The following MRC2 variants were observed in gnomAD, a reference collection of about 807,000 sequenced individuals.
MRC2 encodes the protein mannose receptor C-type 2.
In MRC2, 84 loss-of-function variants were observed where a neutral mutation model predicts 206.2. The observed-to-expected ratio is 0.41, with a 90% confidence interval of 0.34 to 0.49. The LOEUF (loss-of-function observed/expected upper bound fraction) is 0.49. Ranked by LOEUF, MRC2 falls within the 20% of genes least tolerant of loss-of-function variation. MRC2 has a pLI of 0.31. For missense variants in MRC2, 1,676 were observed against 2,001.5 expected, an observed-to-expected ratio of 0.84 and a Z score of 3.10; for synonymous variants, 798 against 800.0, an observed-to-expected ratio of 1.00 and a Z score of 0.04.
At chr17:62,632,080 A>G (rs1372350733) in intron 1 of MRC2, among the ~76,000 whole-genome samples, 1 of 151,954 alleles carries the variant, frequency 6.6e-6, no homozygotes, top group African/African-American at 2.4e-5. Context: ...GGGGTGGGCC[A>G]GTGGGGTGGT....
chr17:62,680,695 G>C lies in MRC2; in HGVS notation c.2474-105G>C. The C allele has an allele frequency of 7.4e-7, 1 of 1,356,716 alleles. No homozygotes were observed. Among genetic ancestry groups the C allele is most frequent in the Non-Finnish European group, 9.6e-7 (1 of 1,043,328 alleles). The allele number at this position is 1,356,716 out of a possible 1,614,324, so 84.0% of individuals were successfully genotyped here. A position where few individuals can be genotyped will look rare whatever the true frequency, so the allele number is the denominator to read the frequency against. ...CTGGGTCCGGTGTGCCTGCAGGCTC[G>C]CCTGCTGCCGCCTGGCTCTGCCCCG... On this transcript the variant is annotated intron_variant, in intron 16 of 29. Coordinates refer to ENST00000303375, the MANE Select transcript of MRC2 (RefSeq NM_006039.5). This position sits in a 1 kb window ranked among gnomAD's most constrained non-coding sequence, Gnocchi z 4.8.
Position 62,630,018 on chromosome 17 carries a change from C to T in MRC2, c.118+2098C>T, listed in dbSNP as rs376679976. ...TTTTCTCCACCTTGGTGGAGTGGCC[C>T]GCGGAGACTGTCACTGGAAGGAGTC... On this transcript the variant is annotated intron_variant, in intron 1 of 29. Transcript: ENST00000303375. Among the ~76,000 whole-genome samples the T allele has an allele frequency of 4.4e-3, 670 of 152,142 alleles. 7 individuals carry two copies. The highest frequency in any genetic ancestry group is 0.015 in the African/African-American group (639 of 41,496).
chr17:62,651,808 G>A (rs1362440670), intron 1 of MRC2, among the ~76,000 whole-genome samples: 2 of 152,036 alleles, frequency 1.3e-5, no homozygotes, highest in Non-Finnish European at 2.9e-5. Flanking sequence ...CTGGCCTTAA[G>A]TGATCCACCT....
In MRC2 at chr17:62,692,301, C is replaced by A. The variant is rs1274673009; in HGVS notation, c.4290C>A (p.Thr1430=). ...TGCTGCTGCTCCTGGCCTTGCTGAC[C>A]GCAGCCCTCATCCTTTACCGGAGGC... ...MAVLLLLALL[T]AALILYRRRQ... The change falls in exon 30 of 30, where the codon ACC becomes ACA. Residue 1430 remains threonine, a synonymous_variant. Transcript: ENST00000303375. The surrounding 1 kb of genome is among the most constrained non-coding windows in gnomAD (Gnocchi z 4.2). 2 of 1,594,344 alleles carry A rather than the reference C, an allele frequency of 1.3e-6. No individual in the cohort carries two copies. The highest frequency in any genetic ancestry group is 4.5e-5 in the East Asian group (2 of 44,106).
intron 6 of MRC2, among the ~76,000 whole-genome samples, chr17:62,668,364 A>AAAAAAT (rs1211444121): frequency 7.1e-6 from 1 of 140,640 alleles, no homozygotes; most frequent in African/African-American, 2.7e-5. Flanking sequence ...CTCAAAAAAT[A>AAAAAAT]AATAAATAAA....
In MRC2 at chr17:62,666,951, C is replaced by T. The variant is rs555668731; in HGVS notation, c.973+81C>T. 2.0e-5 allele frequency: 21 copies of T among 1,070,538 alleles called. 1 individual carries two copies. The East Asian group carries it at 3.7e-4, about 19-fold the overall frequency. 66.3% of individuals were successfully genotyped at this position (1,070,538 alleles called of 1,614,324 possible). A position where few individuals can be genotyped will look rare whatever the true frequency, so the allele number is the denominator to read the frequency against. Reference sequence around the variant, plus strand: ...CTCCCATGGACTCCTCTCCTCATGTCCTCCTGCAGAGGGGCAGTGTGGGTA... The same window carrying T: ...CTCCCATGGACTCCTCTCCTCATGTTCTCCTGCAGAGGGGCAGTGTGGGTA... On this transcript the variant is annotated intron_variant, in intron 5 of 29. Coordinates refer to ENST00000303375, the MANE Select transcript of MRC2 (RefSeq NM_006039.5). This position sits in a 1 kb window ranked among gnomAD's most constrained non-coding sequence, Gnocchi z 5.0.
chr17:62,657,766 T>C (rs1007401039), intron 1 of MRC2, among the ~76,000 whole-genome samples: 4 of 152,126 alleles, frequency 2.6e-5, no homozygotes, highest in Admixed American at 6.5e-5. Flanking sequence ...CAGAGCCAGC[T>C]CTCAGGACGC....
In MRC2 at chr17:62,692,929, A is replaced by C. The variant is rs1599002004; in HGVS notation, c.*478A>C. The C allele has an allele frequency of 1.3e-5, 2 of 154,578 alleles. No homozygotes were observed. Among genetic ancestry groups the C allele is most frequent in the Non-Finnish European group, 1.4e-5 (1 of 70,274 alleles). 9.6% of individuals were successfully genotyped at this position (154,578 alleles called of 1,614,324 possible). A position where few individuals can be genotyped will look rare whatever the true frequency, so the allele number is the denominator to read the frequency against. On this transcript the variant is annotated 3_prime_UTR_variant, in exon 30 of 30. Coordinates refer to ENST00000303375, the MANE Select transcript of MRC2 (RefSeq NM_006039.5). This position sits in a 1 kb window ranked among gnomAD's most constrained non-coding sequence, Gnocchi z 4.2. ...TGCTCCCTCTCGCCCCTTCTCTCCCACCCCTTCCTTCTGAGCCGGGCCCTG... is the reference window on the plus strand; with the variant it reads ...TGCTCCCTCTCGCCCCTTCTCTCCCCCCCCTTCCTTCTGAGCCGGGCCCTG...
intron 19 of MRC2, 139 bp from the exon 20 acceptor site, chr17:62,682,096 A>T: frequency 8.8e-7 from 1 of 1,130,864 alleles, no homozygotes; most frequent in Non-Finnish European, 1.2e-6. Context: ...CATGGTCCAG[A>T]AGACTTGAAT....
At chr17:62,647,166 T>C (rs1598971677) in intron 1 of MRC2, among the ~76,000 whole-genome samples, 1 of 149,136 alleles carries the variant, frequency 6.7e-6, no homozygotes, top group Non-Finnish European at 1.5e-5. Context: ...AGTTATACTA[T>C]ATATTCATTT....
At chr17:62,645,426 T>G (rs577163847) in intron 1 of MRC2, among the ~76,000 whole-genome samples, 1 of 148,246 alleles carries the variant, frequency 6.7e-6, no homozygotes, top group Non-Finnish European at 1.5e-5. Context: ...ATATATGTGA[T>G]ATATATACAC....
chr17:62,682,236 G>A lies in MRC2; in HGVS notation c.2805G>A (p.Glu935=). 2 of 1,590,402 alleles carry A rather than the reference G, an allele frequency of 1.3e-6. No homozygotes were observed. The highest frequency in any genetic ancestry group is 2.3e-5 in the East Asian group (1 of 43,870). The change falls in exon 20 of 30, where the codon GAG becomes GAA. Residue 935 remains glutamate (E), a splice_region_variant and synonymous_variant. Coordinates refer to ENST00000303375, the MANE Select transcript of MRC2 (RefSeq NM_006039.5). ...KKCVYMTASR[E]DWGDQRCLTA... The stretch of plus-strand genomic sequence containing the variant: ...TGCCCTCCCCTCCCCTTTCCGCAGA[G>A]GACTGGGGGGACCAGAGGTGCCTGA...
Position 62,692,516 on chromosome 17 carries a change from GC to G in MRC2, c.*71del. The G allele has an allele frequency of 2.7e-6, 4 of 1,459,762 alleles. No homozygotes were observed. The highest frequency in any genetic ancestry group is 2.8e-6 in the Non-Finnish European group (3 of 1,079,780). The allele number at this position is 1,459,762 out of a possible 1,614,324, so 90.4% of individuals were successfully genotyped here. On this transcript the variant is annotated 3_prime_UTR_variant, in exon 30 of 30. Transcript: ENST00000303375. This position sits in a 1 kb window ranked among gnomAD's most constrained non-coding sequence, Gnocchi z 4.2. Reference sequence around the variant, plus strand: ...GGAGCTGGGGCCCTGGGTCAGTCTGGCCCCCCACCAGCTGCCTGTCCAGTTG... The same window carrying G: ...GGAGCTGGGGCCCTGGGTCAGTCTGGCCCCCACCAGCTGCCTGTCCAGTTG...
At position 62,680,295 on chromosome 17, in the gene MRC2, C is replaced by T. The variant is rs1324494159; in HGVS notation, c.2424C>T (p.Cys808=). 1 of 1,613,926 alleles carries T rather than the reference C, an allele frequency of 6.2e-7. No individual in the cohort carries two copies. Among genetic ancestry groups the T allele is most frequent in the Non-Finnish European group, 8.5e-7 (1 of 1,179,950 alleles). ...GCGACACACAGCTGGACTGGATCTG[C>T]AAGATCCCCAGAGGTTGGCCGGAGT... ...MQCDTQLDWI[C]KIPRGTDVRE... The change falls in exon 15 of 30, where the codon TGC becomes TGT. Residue 808 remains cysteine, a synonymous_variant. Coordinates refer to ENST00000303375, the MANE Select transcript of MRC2 (RefSeq NM_006039.5). The surrounding 1 kb of genome is among the most constrained non-coding windows in gnomAD (Gnocchi z 4.8).
chr17:62,659,885 T>G (rs1426825673), intron 1 of MRC2, among the ~76,000 whole-genome samples: 3 of 152,254 alleles, frequency 2.0e-5, no homozygotes, highest in Non-Finnish European at 4.4e-5. Flanking sequence ...GATTATTATC[T>G]AGGCATGAAA....
chr17:62,680,027 A>C lies in MRC2; in HGVS notation c.2298+125A>C. The C allele has an allele frequency of 6.7e-7, 1 of 1,496,254 alleles. No homozygotes were observed. 92.7% of individuals were successfully genotyped at this position (1,496,254 alleles called of 1,614,324 possible). A position where few individuals can be genotyped will look rare whatever the true frequency, so the allele number is the denominator to read the frequency against. ...CGGGCCCCCAGTCGGAGCCGGCTTC[A>C]GGAAAGCAGGTCCGAGAGGGGTCAC... On this transcript the variant is annotated intron_variant, in intron 14 of 29. Coordinates refer to ENST00000303375, the MANE Select transcript of MRC2 (RefSeq NM_006039.5). The surrounding 1 kb of genome is among the most constrained non-coding windows in gnomAD (Gnocchi z 4.8).
At position 62,667,130 on chromosome 17, in the gene MRC2, G is replaced by A. The variant is rs1397388319; in HGVS notation, c.973+260G>A. Among the ~76,000 whole-genome samples the A allele has an allele frequency of 6.6e-6, 1 of 152,096 alleles. No homozygotes were observed. The highest frequency in any genetic ancestry group is 2.1e-4 in the South Asian group (1 of 4,824). ...ACCCCTGTGGGCAGCGGGCACCAGCGCACCCAGCAGCCTGGACGGGGAGGC... is the reference window on the plus strand; with the variant it reads ...ACCCCTGTGGGCAGCGGGCACCAGCACACCCAGCAGCCTGGACGGGGAGGC... On this transcript the variant is annotated intron_variant, in intron 5 of 29. Coordinates refer to ENST00000303375, the MANE Select transcript of MRC2 (RefSeq NM_006039.5). This position sits in a 1 kb window ranked among gnomAD's most constrained non-coding sequence, Gnocchi z 4.1.
chr17:62,655,961 C>T (rs2088614628), intron 1 of MRC2, among the ~76,000 whole-genome samples: 1 of 152,122 alleles, frequency 6.6e-6, no homozygotes, highest in Non-Finnish European at 1.5e-5. Context: ...GTGATTATAG[C>T]TCACTACTGC....
Position 62,689,548 on chromosome 17 carries a change from G to A in MRC2, c.3361G>A (p.Ala1121Thr), listed in dbSNP as rs1039541174. ...TDPSLSPSPA[A>T]LPPAPGTELS... The stretch of plus-strand genomic sequence containing the variant: ...CCCCTCCCTGAGCCCGTCCCCAGCA[G>A]CGCTGCCCCCCGCCCCGGGCACTGA... Residue 1121 changes from alanine to threonine, a missense_variant, in exon 24 of 30, where the codon GCG (alanine) becomes ACG (threonine). Physicochemically the swap from Ala to Thr is moderately conservative, Grantham distance 58. Around this residue, in one of 3 missense-constraint regions of MRC2, gnomAD observed 1,354 missense variants for 1,636.6 expected, o/e 0.83. Coordinates refer to ENST00000303375, the MANE Select transcript of MRC2 (RefSeq NM_006039.5). 2 of 1,591,162 alleles carry A rather than the reference G, an allele frequency of 1.3e-6. No individual in the cohort carries two copies. The highest frequency in any genetic ancestry group is 3.5e-4 in the Middle Eastern group (2 of 5,672).
Sources: allele counts gnomAD v4.1 joint callset (sites outside exome capture counted in the v4.1 genomes callset), GRCh38; gene constraint gnomAD v4.1.1; regional missense constraint gnomAD v4.1.1; non-coding constraint Gnocchi (gnomAD v3.1); transcripts MANE v1.5; gene names NCBI Gene and HGNC (gene_info 2026-07-23, HGNC 2026-07-21).